The following MYO1D variants were observed in gnomAD, a reference collection of about 807,000 sequenced individuals.
MYO1D encodes myosin ID, also known as unconventional myosin-Id.
In MYO1D, 83 loss-of-function variants were observed where a neutral mutation model predicts 122.0. That is an observed-to-expected ratio of 0.68 (90% CI 0.57 to 0.82). MYO1D has a LOEUF of 0.82. MYO1D is among the 40% of genes least tolerant of loss of function. The probability of loss-of-function intolerance (pLI) is 0.00; values close to 1 mark genes in which losing one functional copy is unlikely to be tolerated. For missense variants in MYO1D, 1,157 were observed against 1,269.5 expected, an observed-to-expected ratio of 0.91 and a Z score of 1.35; for synonymous variants, 464 against 446.9, an observed-to-expected ratio of 1.04 and a Z score of -0.48.
At chr17:32,790,225 A>G (rs950998511) in intron 1 of MYO1D, among the ~76,000 whole-genome samples, 13 of 152,158 alleles carry the variant, frequency 8.5e-5, no homozygotes, top group Non-Finnish European at 1.6e-4. Context: ...TATAAATCTT[A>G]TCTTACTCTG....
At chr17:32,554,616 T>C (rs1287688165) in intron 21 of MYO1D, among the ~76,000 whole-genome samples, 2 of 152,114 alleles carry the variant, frequency 1.3e-5, no homozygotes, top group African/African-American at 4.8e-5. Context: ...AATGCAAAAC[T>C]TTTGTTGAAA....
In MYO1D at chr17:32,775,568, C is replaced by G. The variant is rs560811346; in HGVS notation, c.564+296G>C. Among the ~76,000 whole-genome samples the G allele has an allele frequency of 6.6e-5, 10 of 152,170 alleles. No homozygotes were observed. The South Asian group carries it at 1.9e-3, about 28-fold the overall frequency. ...TATAAAAAGGCTAGAACTGATTAGT[C>G]TTAGATTGACTTTCGGTTAAACCTT... On this transcript the variant is annotated intron_variant, in intron 4 of 21. Coordinates refer to ENST00000318217, the MANE Select transcript of MYO1D (RefSeq NM_015194.3).
intron 15 of MYO1D, among the ~76,000 whole-genome samples, chr17:32,714,512 T>C (rs934974001): frequency 2.0e-5 from 3 of 152,230 alleles, no homozygotes; most frequent in Non-Finnish European, 4.4e-5. Context: ...TCTTTGCTAT[T>C]GTGAATAGTG....
intron 10 of MYO1D, among the ~76,000 whole-genome samples, chr17:32,757,560 C>T (rs1352124671): frequency 1.3e-5 from 2 of 152,006 alleles, no homozygotes; most frequent in African/African-American, 4.8e-5. Flanking sequence ...AAAGTTATTT[C>T]CATCTTTGGA....
chr17:32,512,883 G>A (rs1383252995), intron 21 of MYO1D: 1 of 152,314 alleles, frequency 6.6e-6, no homozygotes, highest in Non-Finnish European at 1.5e-5. Context: ...GGAGGATGAG[G>A]AGGACTTGAC....
chr17:32,855,236 A>G (rs1168376149), intron 1 of MYO1D, among the ~76,000 whole-genome samples: 1 of 152,178 alleles, frequency 6.6e-6, no homozygotes, highest in African/African-American at 2.4e-5. Context: ...ATACATAAGA[A>G]TGTACACATC....
At chr17:32,726,360 C>T (rs11080186) in intron 14 of MYO1D, among the ~76,000 whole-genome samples, 65,600 of 151,132 alleles carry the variant, frequency 0.43, 14,802 homozygotes, top group East Asian at 0.73. Flanking sequence ...GTGGAGGTTG[C>T]AGTGAGCTGA....
intron 21 of MYO1D, among the ~76,000 whole-genome samples, chr17:32,522,847 C>T (rs1455763048): frequency 3.4e-5 from 5 of 149,042 alleles, no homozygotes; most frequent in East Asian, 2.0e-4. Context: ...GATGGAGTCT[C>T]GCTCTGTCGC....
chr17:32,737,362 C>CTTTTTT (rs59432486), intron 14 of MYO1D, among the ~76,000 whole-genome samples: 1 of 142,134 alleles, frequency 7.0e-6, no homozygotes. Context: ...AATAATACAA[C>CTTTTTT]TTTTTTTTTT....
At chr17:32,761,682 G>C (rs1041896200) in intron 8 of MYO1D, among the ~76,000 whole-genome samples, 2 of 152,092 alleles carry the variant, frequency 1.3e-5, no homozygotes, top group African/African-American at 4.8e-5. Flanking sequence ...TCCAAATCCA[G>C]ACTCAGAGAA....
At chr17:32,663,948 T>C (rs149093141) in intron 16 of MYO1D, among the ~76,000 whole-genome samples, 76 of 152,356 alleles carry the variant, frequency 5.0e-4, no homozygotes, top group African/African-American at 1.7e-3. Context: ...GTTGATGGTA[T>C]GGAGTTGGAA....
At chr17:32,525,130 G>A (rs2706759) in intron 21 of MYO1D, among the ~76,000 whole-genome samples, 110,041 of 152,200 alleles carry the variant, frequency 0.72, 40,170 homozygotes, top group Middle Eastern at 0.83. Context: ...AATGGGCACC[G>A]TTAGCTTCAA....
chr17:32,822,763 G>A (rs62070179), intron 1 of MYO1D, among the ~76,000 whole-genome samples: 18 of 151,434 alleles, frequency 1.2e-4, no homozygotes, highest in African/African-American at 4.4e-4. Flanking sequence ...GGCGAGGCCC[G>A]GGGCGTCCCC....
At chr17:32,516,009 G>C (rs1192236872) in intron 21 of MYO1D, among the ~76,000 whole-genome samples, 1 of 152,216 alleles carries the variant, frequency 6.6e-6, no homozygotes, top group Non-Finnish European at 1.5e-5. Context: ...TGCTGGTAAT[G>C]ACAGAGGCAA....
At chr17:32,809,074 G>T (rs2090546088) in intron 1 of MYO1D, among the ~76,000 whole-genome samples, 1 of 148,624 alleles carries the variant, frequency 6.7e-6, no homozygotes, top group African/African-American at 2.5e-5. Flanking sequence ...GTATCTCAAA[G>T]AAAATGCCTG....
At chr17:32,826,520 C>T (rs2090724436) in intron 1 of MYO1D, among the ~76,000 whole-genome samples, 1 of 152,082 alleles carries the variant, frequency 6.6e-6, no homozygotes, top group Admixed American at 6.6e-5. Flanking sequence ...AAATGTGCAT[C>T]CCTTCAGTAA....
intron 1 of MYO1D, among the ~76,000 whole-genome samples, chr17:32,828,757 T>C (rs924377558): frequency 6.6e-6 from 1 of 152,208 alleles, no homozygotes; most frequent in South Asian, 2.1e-4. Context: ...GAATGCCTGC[T>C]TCGTGCTAAG....
intron 8 of MYO1D, among the ~76,000 whole-genome samples, chr17:32,761,423 C>G (rs550600887): frequency 6.6e-6 from 1 of 152,328 alleles, no homozygotes; most frequent in South Asian, 2.1e-4. Context: ...CTCAGCATCA[C>G]TCAACCTAGG....
chr17:32,763,361 C>T (rs949858828), intron 8 of MYO1D, among the ~76,000 whole-genome samples: 4 of 151,970 alleles, frequency 2.6e-5, no homozygotes, highest in Non-Finnish European at 5.9e-5. Context: ...ACAACAACAA[C>T]GAAAGTTAGA....
Sources: gnomAD v4.1 joint callset for allele counts (sites outside exome capture counted in the v4.1 genomes callset) on GRCh38, gnomAD v4.1.1 for gene constraint, MANE v1.5 for transcripts, NCBI Gene and HGNC (gene_info 2026-07-23, HGNC 2026-07-21) for gene names.